ZDHHC14: variants seen among roughly 807,000 people sequenced by gnomAD.
ZDHHC14 encodes zDHHC palmitoyltransferase 14.
A neutral mutation model predicts 47.7 loss-of-function variants in ZDHHC14; 16 were observed. That is an observed-to-expected ratio of 0.34 (90% CI 0.23 to 0.51). The LOEUF (loss-of-function observed/expected upper bound fraction) is 0.51, where lower values mean the gene tolerates loss of function less well. Among genes scored for constraint, ZDHHC14 ranks in the 20% least tolerant of loss-of-function variants. The pLI, the probability that ZDHHC14 is intolerant of heterozygous loss-of-function variation, is 0.97. For missense variants in ZDHHC14, 515 were observed against 662.5 expected, an observed-to-expected ratio of 0.78 and a Z score of 2.44; for synonymous variants, 293 against 278.9, an observed-to-expected ratio of 1.05 and a Z score of -0.50.
intron 1 of ZDHHC14, among the ~76,000 whole-genome samples, chr6:157,528,599 G>C (rs1182242437): frequency 6.6e-6 from 1 of 152,102 alleles, no homozygotes; most frequent in Non-Finnish European, 1.5e-5. Context: ...AGGCGTGGTG[G>C]CAGGTGCCTG....
intron 1 of ZDHHC14, among the ~76,000 whole-genome samples, chr6:157,407,743 A>G (rs1280683387): frequency 6.6e-6 from 1 of 152,190 alleles, no homozygotes; most frequent in African/African-American, 2.4e-5. Flanking sequence ...TGTTCATTTC[A>G]TTGTAGTCTG....
intron 2 of ZDHHC14, among the ~76,000 whole-genome samples, chr6:157,581,869 C>T (rs1783533072): frequency 6.6e-6 from 1 of 151,604 alleles, no homozygotes; most frequent in Non-Finnish European, 1.5e-5. Flanking sequence ...TTGGGTCTTG[C>T]TTCTTTATCC....
intron 2 of ZDHHC14, among the ~76,000 whole-genome samples, chr6:157,587,228 G>T (rs1382080653): frequency 1.3e-5 from 2 of 152,184 alleles, no homozygotes; most frequent in Non-Finnish European, 2.9e-5. Context: ...CTGACATTAG[G>T]ATTATTATTA....
chr6:157,492,942 A>C (rs546826932), intron 1 of ZDHHC14, among the ~76,000 whole-genome samples: 34 of 152,286 alleles, frequency 2.2e-4, no homozygotes, highest in African/African-American at 7.5e-4. Context: ...CAGGGAGGGA[A>C]GGATACAAGG....
intron 1 of ZDHHC14, among the ~76,000 whole-genome samples, chr6:157,429,649 G>A (rs1471192626): frequency 6.6e-6 from 1 of 151,994 alleles, no homozygotes; most frequent in Admixed American, 6.6e-5. Flanking sequence ...GAGCAAGGAG[G>A]AAAGAAATAA....
chr6:157,636,020 G>A (rs1016142782), intron 5 of ZDHHC14, among the ~76,000 whole-genome samples: 3 of 152,106 alleles, frequency 2.0e-5, no homozygotes, highest in African/African-American at 7.2e-5. Flanking sequence ...AGGAGTTCCC[G>A]GCACCTCCTC....
At chr6:157,448,784 C>T (rs1391467528) in intron 1 of ZDHHC14, among the ~76,000 whole-genome samples, 3 of 152,200 alleles carry the variant, frequency 2.0e-5, no homozygotes, top group Non-Finnish European at 4.4e-5. Context: ...CCATTTTGGC[C>T]AGGCTAGTCT....
chr6:157,525,548 A>C lies in ZDHHC14; in HGVS notation c.246-17037A>C, dbSNP rs112975706. 3.6e-3 allele frequency among the ~76,000 whole-genome samples: 550 copies of C among 152,066 alleles called. 1 individual carries two copies. Among genetic ancestry groups the C allele is most frequent in the African/African-American group, 0.013 (536 of 41,456 alleles). On this transcript the variant is annotated intron_variant, in intron 1 of 8. Transcript: ENST00000359775. ...CTCCAGAGGCAGGGAGCAAGACAGA[A>C]GTTGCAGTGTTTTTTGTAACCTAAT...
chr6:157,513,468 T>C (rs1369948925), intron 1 of ZDHHC14, among the ~76,000 whole-genome samples: 1 of 152,130 alleles, frequency 6.6e-6, no homozygotes, highest in Non-Finnish European at 1.5e-5. Context: ...AAGCTGTTAG[T>C]GCTTTGTTAC....
At chr6:157,662,536 G>A (rs541231783) in intron 8 of ZDHHC14, among the ~76,000 whole-genome samples, 5 of 152,336 alleles carry the variant, frequency 3.3e-5, no homozygotes, top group South Asian at 2.1e-4. Context: ...CCCTCACAGG[G>A]GCTCGCACAC....
At chr6:157,410,361 G>A (rs1777850001) in intron 1 of ZDHHC14, among the ~76,000 whole-genome samples, 1 of 152,178 alleles carries the variant, frequency 6.6e-6, no homozygotes, top group Non-Finnish European at 1.5e-5. Context: ...AGTGCTATTT[G>A]GGTCCAGGGG....
At chr6:157,639,395 C>T (rs1039496776) in intron 5 of ZDHHC14, among the ~76,000 whole-genome samples, 2 of 152,220 alleles carry the variant, frequency 1.3e-5, no homozygotes, top group African/African-American at 4.8e-5. Context: ...ACCTCCGCCT[C>T]CCAGGTGCAA....
rs1469813396 is a variant in ZDHHC14, at chr6:157,427,125, C to T, written c.245+44859C>T. ...GAGGGAAGGAAGAGGGCGTGCAGGG[C>T]GGAGGGACAAGGCTCAGGCGTAGAC... is the stretch of plus-strand genomic sequence containing the variant. On this transcript the variant is annotated intron_variant, in intron 1 of 8. Coordinates refer to ENST00000359775, the MANE Select transcript of ZDHHC14 (RefSeq NM_024630.3). This position sits in a 1 kb window ranked among gnomAD's most constrained non-coding sequence, Gnocchi z 4.4. 6.6e-6 allele frequency among the ~76,000 whole-genome samples: 1 copy of T among 151,362 alleles called. No individual in the cohort carries two copies. Among genetic ancestry groups the T allele is most frequent in the Non-Finnish European group, 1.5e-5 (1 of 67,884 alleles).
In ZDHHC14 at chr6:157,675,201, G is replaced by A. The variant is rs1481080097; in HGVS notation, c.*2079G>A. Reference sequence around the variant, plus strand: ...CTTAGCCCTCACTCCGGTCCCACGTGTGGCCCAGTCCATTCTCAGCTCATT... The same window carrying A: ...CTTAGCCCTCACTCCGGTCCCACGTATGGCCCAGTCCATTCTCAGCTCATT... On this transcript the variant is annotated 3_prime_UTR_variant, in exon 9 of 9. Transcript: ENST00000359775. 1 of 152,228 alleles carries A rather than the reference G, an allele frequency of 6.6e-6. No individual in the cohort carries two copies. Among genetic ancestry groups the A allele is most frequent in the Non-Finnish European group, 1.5e-5 (1 of 68,068 alleles). 9.4% of individuals were successfully genotyped at this position (152,228 alleles called of 1,614,324 possible). A position where few individuals can be genotyped will look rare whatever the true frequency, so the allele number is the denominator to read the frequency against.
chr6:157,410,930 C>T (rs753054833), intron 1 of ZDHHC14, among the ~76,000 whole-genome samples: 10 of 152,136 alleles, frequency 6.6e-5, no homozygotes, highest in Non-Finnish European at 1.2e-4. Flanking sequence ...CTTCTGACCT[C>T]GTGATCTGCC....
Position 157,542,682 on chromosome 6 carries a change from A to G in ZDHHC14, c.343A>G (p.Ser115Gly), listed in dbSNP as rs1246459099. The G allele has an allele frequency of 1.2e-6, 2 of 1,613,944 alleles. No individual in the cohort carries two copies. The highest frequency in any genetic ancestry group is 1.3e-5 in the African/African-American group (1 of 74,880). The change falls in exon 2 of 9, where the codon AGC becomes GGC. Residue 115 changes from serine to glycine, a missense_variant. Coordinates refer to ENST00000359775, the MANE Select transcript of ZDHHC14 (RefSeq NM_024630.3). ...GGGGACCCTGCTCCGCACCAGCTTC[A>G]GCGACCCCGGAGTCCTCCCACGAGC... ...VMGTLLRTSF[S>G]DPGVLPRATP...
chr6:157,604,124 A>C (rs1169976265), intron 3 of ZDHHC14, among the ~76,000 whole-genome samples: 1 of 152,040 alleles, frequency 6.6e-6, no homozygotes, highest in Non-Finnish European at 1.5e-5. Flanking sequence ...CCATCTCTAC[A>C]AAAAATACAA....
At chr6:157,595,174 ATTTTTTTTTTTTTTTTTTTTTTTT>A (rs777568494) in intron 3 of ZDHHC14, among the ~76,000 whole-genome samples, 1 of 62,700 alleles carries the variant, frequency 1.6e-5, no homozygotes, top group African/African-American at 7.4e-5. Flanking sequence ...TCTAGGCTAG[ATTTTTTTTTTTTTTTTTTTTTTTT>A]TTTTTTTTTT....
intron 5 of ZDHHC14, 52 bp from the exon 6 acceptor site, chr6:157,645,685 T>C: frequency 6.7e-7 from 1 of 1,485,214 alleles, no homozygotes; most frequent in Non-Finnish European, 9.3e-7. Flanking sequence ...CTCCATCACA[T>C]CCACTTCTTG....
Sources: gnomAD v4.1 joint callset for allele counts (sites outside exome capture counted in the v4.1 genomes callset) on GRCh38, gnomAD v4.1.1 for gene constraint, Gnocchi (gnomAD v3.1) non-coding constraint, MANE v1.5 for transcripts, NCBI Gene and HGNC (gene_info 2026-07-23, HGNC 2026-07-21) for gene names.